Variants in DGKB observed in about 807,000 individuals in gnomAD.
DGKB encodes the protein diacylglycerol kinase beta, also known as 90 kDa diacylglycerol kinase.
DGKB carries 67 observed loss-of-function variants against 114.3 expected under a neutral mutation model. The observed-to-expected ratio is 0.59, with a 90% confidence interval of 0.48 to 0.72. The LOEUF is 0.72. DGKB is among the 30% of genes least tolerant of loss of function. The pLI is 0.00. For synonymous variants in DGKB, 398 were observed against 323.1 expected, an observed-to-expected ratio of 1.23 and a Z score of -2.49; for missense variants, 907 against 975.2, an observed-to-expected ratio of 0.93 and a Z score of 0.93.
rs192710482 is a variant in DGKB, at chr7:14,204,559, G to T, written c.2123-26408C>A. Among the ~76,000 whole-genome samples, 68 of 152,106 alleles carry T rather than the reference G, an allele frequency of 4.5e-4. 1 individual carries two copies. The East Asian group carries it at 0.013, about 29-fold the overall frequency. On this transcript the variant is annotated intron_variant, in intron 23 of 25. Transcript: ENST00000402815. ...CATACAACGGCTGAGAAAACATAGG[G>T]CTTATGCTTTTTGATGAGCTAATAT...
intron 17 of DGKB, among the ~76,000 whole-genome samples, chr7:14,587,788 G>T (rs141232940): frequency 2.6e-5 from 4 of 151,938 alleles, no homozygotes; most frequent in Admixed American, 2.0e-4. Context: ...CTAATTTTTC[G>T]CAATGAATTA....
chr7:14,627,960 A>C (rs1330193551), intron 14 of DGKB, among the ~76,000 whole-genome samples: 33 of 151,886 alleles, frequency 2.2e-4, no homozygotes, highest in Admixed American at 5.9e-4. Flanking sequence ...CAAAAAAAAA[A>C]AACAACAAAA....
chr7:14,613,716 T>A (rs1170952631), intron 15 of DGKB, among the ~76,000 whole-genome samples: 1 of 151,338 alleles, frequency 6.6e-6, no homozygotes, highest in Non-Finnish European at 1.5e-5. Flanking sequence ...AAAAAAAAAA[T>A]TACGATTTTC....
At chr7:14,234,397 G>C (rs1327610731) in intron 23 of DGKB, among the ~76,000 whole-genome samples, 1 of 151,976 alleles carries the variant, frequency 6.6e-6, no homozygotes, top group Non-Finnish European at 1.5e-5. Flanking sequence ...TAAACTACTT[G>C]AATGTATCTT....
intron 1 of DGKB, among the ~76,000 whole-genome samples, chr7:14,876,861 A>G (rs575676640): frequency 6.6e-6 from 1 of 152,338 alleles, no homozygotes; most frequent in South Asian, 2.1e-4. Flanking sequence ...AGTTGAATCA[A>G]ATTATAAATA....
intron 1 of DGKB, among the ~76,000 whole-genome samples, chr7:14,860,790 A>AG: frequency 6.6e-6 from 1 of 151,972 alleles, no homozygotes; most frequent in African/African-American, 2.4e-5. Context: ...GTATATTTTC[A>AG]GGGGGTCTTT....
At chr7:14,731,108 C>T (rs980272933) in intron 5 of DGKB, among the ~76,000 whole-genome samples, 3 of 152,104 alleles carry the variant, frequency 2.0e-5, no homozygotes, top group Admixed American at 1.3e-4. Context: ...GGAAGTGACG[C>T]AGCGGAAGGT....
rs2128206146 is a variant in DGKB, at chr7:14,146,560, A to C, written c.*2571T>G. On this transcript the variant is annotated 3_prime_UTR_variant, in exon 26 of 26. Coordinates refer to ENST00000402815, the MANE Select transcript of DGKB (RefSeq NM_001350709.2). ...TACTATAGAATTTTCCTTAAACTATATATTTTTCATATGAAGCTGTCATAA... is the reference window on the plus strand; with the variant it reads ...TACTATAGAATTTTCCTTAAACTATCTATTTTTCATATGAAGCTGTCATAA... The C allele has an allele frequency of 6.6e-6, 1 of 152,306 alleles. No homozygotes were observed. The highest frequency in any genetic ancestry group is 2.1e-4 in the South Asian group (1 of 4,830). 9.4% of individuals were successfully genotyped at this position (152,306 alleles called of 1,614,324 possible).
At chr7:14,633,490 T>A (rs1197442258) in intron 13 of DGKB, among the ~76,000 whole-genome samples, 2 of 151,878 alleles carry the variant, frequency 1.3e-5, no homozygotes, top group Non-Finnish European at 2.9e-5. Flanking sequence ...TACATGCCCA[T>A]CAGTAGTTTA....
intron 1 of DGKB, among the ~76,000 whole-genome samples, chr7:14,971,547 G>T (rs572392351): frequency 2.0e-5 from 3 of 152,046 alleles, no homozygotes; most frequent in South Asian, 2.1e-4. Flanking sequence ...TATTCTAACG[G>T]CAAGACAGTC....
At chr7:14,727,630 C>T (rs1422333303) in intron 5 of DGKB, among the ~76,000 whole-genome samples, 2 of 151,976 alleles carry the variant, frequency 1.3e-5, no homozygotes, top group African/African-American at 4.8e-5. Context: ...AAGAAATACA[C>T]CAATATATTT....
At chr7:14,962,089 T>C (rs867446276) in intron 1 of DGKB, among the ~76,000 whole-genome samples, 6 of 152,150 alleles carry the variant, frequency 3.9e-5, no homozygotes, top group East Asian at 1.9e-4. Context: ...TTTAAAAAAA[T>C]TGTAACTTTG....
intron 2 of DGKB, among the ~76,000 whole-genome samples, chr7:14,827,716 G>A (rs910143440): frequency 1.3e-5 from 2 of 151,960 alleles, no homozygotes; most frequent in Admixed American, 6.6e-5. Flanking sequence ...AGACTTATGG[G>A]GGGTATGGTT....
At chr7:14,496,422 C>T (rs74575686) in intron 20 of DGKB, among the ~76,000 whole-genome samples, 1 of 151,502 alleles carries the variant, frequency 6.6e-6, no homozygotes, top group African/African-American at 2.4e-5. Flanking sequence ...CTTTTGGGTT[C>T]TTTTATTCAT....
chr7:14,732,298 G>C (rs1304858654), intron 5 of DGKB, among the ~76,000 whole-genome samples: 1 of 151,898 alleles, frequency 6.6e-6, no homozygotes, highest in Non-Finnish European at 1.5e-5. Context: ...TGGAACTGTG[G>C]TAATGAAATA....
chr7:14,778,564 C>T (rs528276944), intron 2 of DGKB, among the ~76,000 whole-genome samples: 1 of 152,230 alleles, frequency 6.6e-6, no homozygotes, highest in South Asian at 2.1e-4. Context: ...AATCATTCTT[C>T]CAGTTGCTTG....
intron 1 of DGKB, among the ~76,000 whole-genome samples, chr7:14,882,316 C>T (rs956582856): frequency 6.6e-6 from 1 of 151,996 alleles, no homozygotes; most frequent in African/African-American, 2.4e-5. Flanking sequence ...TTGGATTTCA[C>T]ACAAGGACCA....
intron 20 of DGKB, among the ~76,000 whole-genome samples, chr7:14,524,059 T>A (rs1184465813): frequency 6.6e-6 from 1 of 152,314 alleles, no homozygotes; most frequent in South Asian, 2.1e-4. Context: ...ATTTTGGATC[T>A]TCTCCAACTG....
chr7:14,963,319 T>C (rs996264281), intron 1 of DGKB, among the ~76,000 whole-genome samples: 1 of 152,098 alleles, frequency 6.6e-6, no homozygotes, highest in African/African-American at 2.4e-5. Context: ...GTACTTTTCA[T>C]TGTCTAACAA....
Sources: allele counts gnomAD v4.1 joint callset (sites outside exome capture counted in the v4.1 genomes callset), GRCh38; gene constraint gnomAD v4.1.1; transcripts MANE v1.5; gene names NCBI Gene and HGNC (gene_info 2026-07-23, HGNC 2026-07-21).